TCF4: variants seen among roughly 807,000 people sequenced by gnomAD.
TCF4 encodes SL3-3 enhancer factor 2.
TCF4 carries 3 observed loss-of-function variants against 82.1 expected under a neutral mutation model. That is an observed-to-expected ratio of 0.04 (90% confidence interval 0.02 to 0.09). The LOEUF (loss-of-function observed/expected upper bound fraction) is 0.09. Ranked by LOEUF, TCF4 falls within the 10% of genes least tolerant of loss-of-function variation. The pLI is 1.00. For missense variants in TCF4, 518 were observed against 852.7 expected (o/e 0.61, Z 4.89); for synonymous variants, 276 against 309.6 (o/e 0.89, Z 1.14).
At chr18:55,409,683 G>A (rs1286891263) in intron 5 of TCF4, among the ~76,000 whole-genome samples, 3 of 152,112 alleles carry the variant, frequency 2.0e-5, no homozygotes, top group African/African-American at 7.2e-5. Flanking sequence ...TCAGATAAAT[G>A]ATGTAGGTTC....
intron 3 of TCF4, among the ~76,000 whole-genome samples, chr18:55,468,891 C>CCCCA (rs763484029): frequency 0.049 from 6,306 of 127,484 alleles, 389 homozygotes; most frequent in East Asian, 0.3. Context: ...GCCCCCCCCC[C>CCCCA]CCTTGTTCTA....
intron 3 of TCF4, among the ~76,000 whole-genome samples, chr18:55,505,709 C>A (rs1266103873): frequency 6.8e-6 from 1 of 147,094 alleles, no homozygotes; most frequent in Non-Finnish European, 1.5e-5. Context: ...GGGGCTGAGG[C>A]AGGAGAATGG....
chr18:55,441,424 C>T (rs2095436694), intron 5 of TCF4, among the ~76,000 whole-genome samples: 1 of 152,206 alleles, frequency 6.6e-6, no homozygotes, highest in Non-Finnish European at 1.5e-5. Context: ...CTTTCTTTAA[C>T]ATACGCAGAT....
intron 3 of TCF4, among the ~76,000 whole-genome samples, chr18:55,464,527 C>T (rs905124890): frequency 6.6e-6 from 1 of 152,192 alleles, no homozygotes; most frequent in South Asian, 2.1e-4. Context: ...CACACTAACA[C>T]CTTTAGCATC....
intron 3 of TCF4, among the ~76,000 whole-genome samples, chr18:55,575,854 A>G (rs1568439499): frequency 6.6e-6 from 1 of 152,172 alleles, no homozygotes; most frequent in Non-Finnish European, 1.5e-5. Context: ...CAATGTTTTT[A>G]CAAATATTAC....
chr18:55,263,890 C>G (rs989378863), intron 11 of TCF4, among the ~76,000 whole-genome samples: 1 of 151,738 alleles, frequency 6.6e-6, no homozygotes, highest in Non-Finnish European at 1.5e-5. Context: ...AACAAAGAAC[C>G]TAAGCCAAAA....
intron 2 of TCF4, among the ~76,000 whole-genome samples, chr18:55,627,601 C>A (rs1423544198): frequency 6.6e-6 from 1 of 151,482 alleles, no homozygotes; most frequent in Non-Finnish European, 1.5e-5. Flanking sequence ...CCCGTCTTTA[C>A]TGAAAATACA....
intron 8 of TCF4, among the ~76,000 whole-genome samples, chr18:55,281,059 T>C (rs755030774): frequency 1.2e-4 from 19 of 152,146 alleles, no homozygotes; most frequent in Non-Finnish European, 2.4e-4. Context: ...GGATTTTTCT[T>C]AAGGCACTAA....
At chr18:55,545,486 T>C (rs934804094) in intron 3 of TCF4, among the ~76,000 whole-genome samples, 1 of 152,152 alleles carries the variant, frequency 6.6e-6, no homozygotes, top group African/African-American at 2.4e-5. Flanking sequence ...TCTCACCATG[T>C]TACTCAGGCT....
chr18:55,476,176 A>C (rs916025884), intron 3 of TCF4, among the ~76,000 whole-genome samples: 1 of 50,244 alleles, frequency 2.0e-5, no homozygotes, highest in African/African-American at 5.4e-5. Context: ...CTGACGTACA[A>C]AAAAAAAAAT....
intron 8 of TCF4, among the ~76,000 whole-genome samples, chr18:55,294,713 TAG>T (rs1419337284): frequency 6.6e-6 from 1 of 152,224 alleles, no homozygotes; most frequent in African/African-American, 2.4e-5. Flanking sequence ...CTCATCGATG[TAG>T]AATTTACGAA....
chr18:55,632,049 T>G (rs931763317), intron 1 of TCF4, among the ~76,000 whole-genome samples: 8 of 152,200 alleles, frequency 5.3e-5, no homozygotes, highest in Non-Finnish European at 8.8e-5. Flanking sequence ...TTTGTTTTGT[T>G]TTGTTTTGAA....
At position 55,279,240 on chromosome 18, in the gene TCF4, C is replaced by A. The variant is rs544602671; in HGVS notation, c.655+311G>T. 3.3e-5 allele frequency among the ~76,000 whole-genome samples: 5 copies of A among 152,272 alleles called. No individual in the cohort carries two copies. The East Asian group carries it at 9.6e-4, about 29-fold the overall frequency. On this transcript the variant is annotated intron_variant, in intron 9 of 19. Coordinates refer to ENST00000354452, the MANE Select transcript of TCF4 (RefSeq NM_001083962.2). ...ACCACTTCTAAACAAACAGCTACAT[C>A]GTCTTGGGGATGGTGAAGATGCTGA...
chr18:55,592,194 C>T (rs1461174552), upstream of TCF4, among the ~76,000 whole-genome samples: 2 of 152,120 alleles, frequency 1.3e-5, no homozygotes, highest in Non-Finnish European at 2.9e-5. Flanking sequence ...TTGCAGACTC[C>T]CTTGCCTAGG....
chr18:55,558,676 A>G (rs1210647118), intron 3 of TCF4, among the ~76,000 whole-genome samples: 1 of 152,212 alleles, frequency 6.6e-6, no homozygotes, highest in Non-Finnish European at 1.5e-5. Context: ...CGAAACAAGA[A>G]TTAAAAATCA....
chr18:55,621,247 A>T (rs1182371129), intron 2 of TCF4, among the ~76,000 whole-genome samples: 1 of 150,926 alleles, frequency 6.6e-6, no homozygotes, highest in African/African-American at 2.4e-5. Flanking sequence ...ATAGTGAGGA[A>T]TAAATGAAAT....
intron 3 of TCF4, among the ~76,000 whole-genome samples, chr18:55,577,073 A>G (rs9957098): frequency 0.03 from 4,372 of 146,372 alleles, 224 homozygotes; most frequent in African/African-American, 0.1. Flanking sequence ...TACTAAATAT[A>G]TATATATATT....
At chr18:55,328,629 T>A (rs1249130686) in intron 8 of TCF4, among the ~76,000 whole-genome samples, 1 of 152,102 alleles carries the variant, frequency 6.6e-6, no homozygotes, top group Non-Finnish European at 1.5e-5. Context: ...TCCCTCAAAA[T>A]GGTACACGTG....
chr18:55,628,047 G>A (rs572051006), intron 2 of TCF4, among the ~76,000 whole-genome samples: 1 of 152,290 alleles, frequency 6.6e-6, no homozygotes, highest in Admixed American at 6.5e-5. Flanking sequence ...GCGACAGAGC[G>A]AGACTGTCTA....
Sources: gnomAD v4.1 joint callset for allele counts (sites outside exome capture counted in the v4.1 genomes callset) on GRCh38, gnomAD v4.1.1 for gene constraint, MANE v1.5 for transcripts, NCBI Gene and HGNC (gene_info 2026-07-23, HGNC 2026-07-21) for gene names.